Variants in STRN observed in about 807,000 individuals in gnomAD.
STRN encodes protein phosphatase 2 regulatory subunit B'''alpha.
A neutral mutation model predicts 96.3 loss-of-function variants in STRN; 53 were observed. The observed-to-expected ratio is 0.55, with a 90% CI of 0.44 to 0.69. STRN has a LOEUF of 0.69. Among genes scored for constraint, STRN ranks in the 30% least tolerant of loss-of-function variants. STRN has a pLI of 0.00. For synonymous variants in STRN, 428 were observed against 355.9 expected (o/e 1.20, Z -2.28); for missense variants, 987 against 963.9 (o/e 1.02, Z -0.32).
intron 1 of STRN, among the ~76,000 whole-genome samples, chr2:36,962,477 C>A (rs1446089039): frequency 2.0e-5 from 3 of 151,870 alleles, no homozygotes; most frequent in Non-Finnish European, 4.4e-5. Flanking sequence ...TCATAAAGTT[C>A]TTTACTCCTG....
intron 1 of STRN, among the ~76,000 whole-genome samples, chr2:36,943,014 T>C (rs578061317): frequency 1.3e-5 from 2 of 152,202 alleles, no homozygotes; most frequent in South Asian, 2.1e-4. Flanking sequence ...TTTTAATTAA[T>C]AGAAATATAT....
At chr2:36,947,925 G>C (rs902697738) in intron 1 of STRN, among the ~76,000 whole-genome samples, 1 of 151,522 alleles carries the variant, frequency 6.6e-6, no homozygotes. Flanking sequence ...GGGACACTAA[G>C]GGTATGCAGT....
intron 4 of STRN, 90 bp downstream of exon 4, chr2:36,905,450 T>G: frequency 8.8e-7 from 1 of 1,139,590 alleles, no homozygotes; most frequent in Non-Finnish European, 1.3e-6. Flanking sequence ...GATAAAATAT[T>G]CATCTGACTT....
chr2:36,925,906 C>T (rs1670397047), intron 1 of STRN, among the ~76,000 whole-genome samples: 1 of 152,178 alleles, frequency 6.6e-6, no homozygotes, highest in Non-Finnish European at 1.5e-5. Flanking sequence ...AAAATCAGTT[C>T]TTATAATCCC....
Position 36,848,531 on chromosome 2 carries a change from T to C in STRN, c.*925A>G, listed in dbSNP as rs1171070517. On this transcript the variant is annotated 3_prime_UTR_variant, in exon 18 of 18. Transcript: ENST00000263918. The stretch of plus-strand genomic sequence containing the variant: ...AATGATTATTAGCAAATAAATTCTA[T>C]CTTTTCAGTCACTGAAAAGTAAGAT... The C allele has an allele frequency of 1.3e-5, 2 of 152,182 alleles. No homozygotes were observed. Among genetic ancestry groups the C allele is most frequent in the East Asian group, 3.8e-4 (2 of 5,198 alleles). 9.4% of individuals were successfully genotyped at this position (152,182 alleles called of 1,614,324 possible).
At chr2:36,956,000 G>A (rs772603656) in intron 1 of STRN, among the ~76,000 whole-genome samples, 2 of 152,122 alleles carry the variant, frequency 1.3e-5, no homozygotes, top group Non-Finnish European at 2.9e-5. Context: ...CCTGCCACAC[G>A]AGGTCAGGTA....
Position 36,843,276 on chromosome 2 carries a change from A to G in STRN, c.*6180T>C, listed in dbSNP as rs568186101. ...TCAGAAGAGATGCCTTTTAAATTTC[A>G]TATTGTATTGTGGATCCTGATTGGA... On this transcript the variant is annotated 3_prime_UTR_variant, in exon 18 of 18. Transcript: ENST00000263918. Among the ~76,000 whole-genome samples, 2 of 152,280 alleles carry G rather than the reference A, an allele frequency of 1.3e-5. No homozygotes were observed. Among genetic ancestry groups the G allele is most frequent in the African/African-American group, 2.4e-5 (1 of 41,550 alleles).
At chr2:36,864,303 G>A (rs1668566453) in intron 12 of STRN, among the ~76,000 whole-genome samples, 1 of 152,088 alleles carries the variant, frequency 6.6e-6, no homozygotes, top group South Asian at 2.1e-4. Context: ...GTCATAGATG[G>A]CTCTTAATAT....
At chr2:36,859,240 C>G (rs1668420101) in intron 13 of STRN, among the ~76,000 whole-genome samples, 1 of 152,010 alleles carries the variant, frequency 6.6e-6, no homozygotes. Flanking sequence ...GGTAGTAGTA[C>G]AGAAGACAGA....
At chr2:36,958,244 C>G (rs1454331410) in intron 1 of STRN, among the ~76,000 whole-genome samples, 1 of 152,014 alleles carries the variant, frequency 6.6e-6, no homozygotes, top group Non-Finnish European at 1.5e-5. Flanking sequence ...TCAAGGACAG[C>G]AGGCGGCACA....
rs1235787109 is a variant in STRN at position 36,841,388 on chromosome 2, G to A, written c.*8068C>T. Reference sequence around the variant, plus strand: ...CATTCTTACATAGCAGTTGAGTACTGGGAAGGTTGTTGGGGAGGGTATTAT... The same window carrying A: ...CATTCTTACATAGCAGTTGAGTACTAGGAAGGTTGTTGGGGAGGGTATTAT... On this transcript the variant is annotated 3_prime_UTR_variant, in exon 18 of 18. Transcript: ENST00000263918. 1 of 152,004 alleles carries A rather than the reference G, an allele frequency of 6.6e-6. No homozygotes were observed. Among genetic ancestry groups the A allele is most frequent in the Non-Finnish European group, 1.5e-5 (1 of 67,994 alleles). The allele number at this position is 152,004 out of a possible 1,614,324, so 9.4% of individuals were successfully genotyped here.
chr2:36,886,811 C>A lies in STRN; in HGVS notation c.947G>T (p.Cys316Phe). The part of the protein sequence containing the change: ...DGTDWEKEDQ[C>F]LMPEAWNVDQ... Reference sequence around the variant, plus strand: ...CACATTCCAGGCTTCAGGCATGAGACACTGGTCTTCCTTTTCTAAACAGAG... The same window carrying A: ...CACATTCCAGGCTTCAGGCATGAGAAACTGGTCTTCCTTTTCTAAACAGAG... The change falls in exon 8 of 18, where the codon TGT (cysteine) becomes TTT (phenylalanine). Residue 316 changes from cysteine to phenylalanine, a missense_variant. Transcript: ENST00000263918. 6.2e-7 allele frequency: 1 copy of A among 1,612,580 alleles called. No homozygotes were observed. Among genetic ancestry groups the A allele is most frequent in the Non-Finnish European group, 8.5e-7 (1 of 1,179,256 alleles).
At chr2:36,858,129 A>C (rs568866567) in intron 13 of STRN, 106 bp from the exon 14 acceptor site, 1 of 808,024 alleles carries the variant, frequency 1.2e-6, no homozygotes, top group East Asian at 2.9e-5. Flanking sequence ...ATAACAGTAT[A>C]AAATATGATT....
intron 1 of STRN, among the ~76,000 whole-genome samples, chr2:36,930,879 T>TA (rs1018832751): frequency 4.6e-5 from 7 of 151,534 alleles, no homozygotes; most frequent in South Asian, 2.1e-4. Context: ...ACTAAAAATA[T>TA]AAAAAAATTA....
chr2:36,935,885 T>G (rs1318787412), intron 1 of STRN, among the ~76,000 whole-genome samples: 1 of 152,202 alleles, frequency 6.6e-6, no homozygotes, highest in South Asian at 2.1e-4. Flanking sequence ...CCTTTGAACA[T>G]TTTTTTAATT....
At chr2:36,889,432 T>C (rs1169048205) in intron 7 of STRN, among the ~76,000 whole-genome samples, 1 of 146,700 alleles carries the variant, frequency 6.8e-6, no homozygotes, top group African/African-American at 2.5e-5. Context: ...AATCAGGTCT[T>C]AATAATAAAT....
chr2:36,852,275 A>G (rs17442739), intron 15 of STRN, among the ~76,000 whole-genome samples: 3,983 of 152,334 alleles, frequency 0.026, 106 homozygotes, highest in East Asian at 0.13. Flanking sequence ...CATAAAGAAA[A>G]CACTAATTGA....
At chr2:36,926,443 T>A (rs567340258) in intron 1 of STRN, among the ~76,000 whole-genome samples, 2 of 152,336 alleles carry the variant, frequency 1.3e-5, no homozygotes, top group South Asian at 4.1e-4. Flanking sequence ...TTTATGTATC[T>A]ACAGTGCTTT....
At chr2:36,861,701 G>GA (rs1054783775) in intron 12 of STRN, among the ~76,000 whole-genome samples, 8 of 147,114 alleles carry the variant, frequency 5.4e-5, no homozygotes, top group South Asian at 4.4e-4. Context: ...AACAGAAACA[G>GA]AAAAAAAAAT....
Sources: gnomAD v4.1 joint callset for allele counts (sites outside exome capture counted in the v4.1 genomes callset) on GRCh38, gnomAD v4.1.1 for gene constraint, MANE v1.5 for transcripts, NCBI Gene and HGNC (gene_info 2026-07-23, HGNC 2026-07-21) for gene names.